The following CADPS2 variants were observed in gnomAD, a reference collection of about 807,000 sequenced individuals.
CADPS2 encodes calcium-dependent secretion activator 2.
In CADPS2, 93 loss-of-function variants were observed where a neutral mutation model predicts 172.5. That is an observed-to-expected ratio of 0.54 (90% CI 0.46 to 0.64). The LOEUF is 0.64. Ranked by LOEUF, CADPS2 falls within the 30% of genes least tolerant of loss-of-function variation. The pLI is 0.00. For synonymous variants in CADPS2, 546 were observed against 555.2 expected, an observed-to-expected ratio of 0.98 and a Z score of 0.23; for missense variants, 1,420 against 1,565.9, an observed-to-expected ratio of 0.91 and a Z score of 1.57.
At chr7:122,705,535 ATAT>A (rs1302602951) in intron 2 of CADPS2, among the ~76,000 whole-genome samples, 2 of 120,224 alleles carry the variant, frequency 1.7e-5, no homozygotes, top group East Asian at 2.2e-4. Flanking sequence ...TGTATTATCT[ATAT>A]TATATATTAT....
In CADPS2 at chr7:122,873,572, G is replaced by C. The variant is rs150251777; in HGVS notation, c.339+12427C>G. 9.1e-3 allele frequency among the ~76,000 whole-genome samples: 1,383 copies of C among 152,282 alleles called. 8 individuals are homozygous for C. Among genetic ancestry groups the C allele is most frequent in the Non-Finnish European group, 0.014 (979 of 68,022 alleles). On this transcript the variant is annotated intron_variant, in intron 1 of 29. Coordinates refer to ENST00000449022, the MANE Select transcript of CADPS2 (RefSeq NM_017954.11). Reference sequence around the variant, plus strand: ...CATTTTCTTTATCCAGTCTATGATTGATGGGCATTTTTGGTGGTTCCAAGT... The same window carrying C: ...CATTTTCTTTATCCAGTCTATGATTCATGGGCATTTTTGGTGGTTCCAAGT...
intron 14 of CADPS2, among the ~76,000 whole-genome samples, chr7:122,461,336 G>A (rs943704426): frequency 5.3e-5 from 8 of 152,038 alleles, no homozygotes; most frequent in Non-Finnish European, 1.2e-4. Flanking sequence ...CAGAACTGAT[G>A]ACAAATATAA....
chr7:122,734,388 A>AAAAAAAAAAAAAAAAAAAAAAAG (rs2091976264), intron 2 of CADPS2, among the ~76,000 whole-genome samples: 24 of 57,524 alleles, frequency 4.2e-4, no homozygotes, highest in Non-Finnish European at 7.3e-4. Flanking sequence ...AAAAAAAAAG[A>AAAAAAAAAAAAAAAAAAAAAAAG]AAAAAAAAAA....
intron 2 of CADPS2, among the ~76,000 whole-genome samples, chr7:122,679,265 T>TGGGCGG (rs1554715349): frequency 2.5e-5 from 1 of 39,240 alleles, no homozygotes; most frequent in Admixed American, 3.4e-4. Context: ...AATGCATTCC[T>TGGGCGG]GGGGGGGGGG....
intron 25 of CADPS2, among the ~76,000 whole-genome samples, chr7:122,369,285 C>T (rs2041447577): frequency 6.6e-6 from 1 of 151,964 alleles, no homozygotes; most frequent in Admixed American, 6.6e-5. Context: ...TGCCCGCCAC[C>T]ATGCCCGGCT....
chr7:122,555,100 A>G (rs2064865863), intron 7 of CADPS2, among the ~76,000 whole-genome samples: 1 of 152,160 alleles, frequency 6.6e-6, no homozygotes, highest in Non-Finnish European at 1.5e-5. Context: ...TATTTGAAAC[A>G]GCACAAATAT....
At chr7:122,428,401 T>G (rs2151869857) in intron 17 of CADPS2, among the ~76,000 whole-genome samples, 1 of 151,658 alleles carries the variant, frequency 6.6e-6, no homozygotes. Flanking sequence ...ATTACTTTGA[T>G]TAAACCTCTG....
At chr7:122,634,734 T>C (rs1263603478) in intron 3 of CADPS2, among the ~76,000 whole-genome samples, 3 of 152,166 alleles carry the variant, frequency 2.0e-5, no homozygotes, top group Admixed American at 6.6e-5. Context: ...TTCCTCTAGG[T>C]ATATTGTTAG....
At chr7:122,399,665 T>C (rs1341841251) in intron 20 of CADPS2, among the ~76,000 whole-genome samples, 2 of 26,112 alleles carry the variant, frequency 7.7e-5, no homozygotes, top group African/African-American at 4.4e-4. Flanking sequence ...GGTTTCTTTT[T>C]TTTTTTTTTT....
chr7:122,682,930 A>AAT (rs1212493368), intron 2 of CADPS2, among the ~76,000 whole-genome samples: 2 of 152,120 alleles, frequency 1.3e-5, no homozygotes, highest in East Asian at 3.9e-4. Context: ...GAGAACATGC[A>AAT]AGCAAGCAAT....
chr7:122,354,916 C>G (rs1174234808), intron 27 of CADPS2, among the ~76,000 whole-genome samples: 2 of 152,150 alleles, frequency 1.3e-5, no homozygotes, highest in African/African-American at 4.8e-5. Context: ...CTGAAGGACA[C>G]AGTTCATCAT....
At position 122,770,023 on chromosome 7, in the gene CADPS2, C is replaced by T. The variant is rs73437752; in HGVS notation, c.340-32955G>A. On this transcript the variant is annotated intron_variant, in intron 1 of 29. Transcript: ENST00000449022. ...ACAACCACCCATAAGATAGGAAGTACTAGCTCTGTTTTACAAATAGGGAGC... is the reference window on the plus strand; with the variant it reads ...ACAACCACCCATAAGATAGGAAGTATTAGCTCTGTTTTACAAATAGGGAGC... Among the ~76,000 whole-genome samples the T allele has an allele frequency of 6.1e-3, 930 of 152,288 alleles. 12 individuals carry two copies. Among genetic ancestry groups the T allele is most frequent in the African/African-American group, 0.02 (839 of 41,560 alleles).
rs768328622 is a variant in CADPS2, at chr7:122,388,611, T to C, written c.3136A>G (p.Ser1046Gly). ...HLEQRLKLMA[S>G]DMLEACVKRT... is the part of the protein sequence containing the mutation. ...TTGACACAGGCCTCTAGCATATCAC[T>C]GGCCATTAGTTTAAGTCTTTGCTCT... The change falls in exon 23 of 30, where the codon AGT becomes GGT. Residue 1046 changes from serine to glycine, a missense_variant. Physicochemically the swap from Ser to Gly is moderately conservative, Grantham distance 56 (BLOSUM62 0). Transcript: ENST00000449022. The C allele has an allele frequency of 1.0e-5, 16 of 1,605,794 alleles. No individual in the cohort carries two copies. The highest frequency in any genetic ancestry group is 3.3e-4 in the Middle Eastern group (2 of 6,046).
chr7:122,345,374 C>T (rs1323559878), intron 28 of CADPS2, among the ~76,000 whole-genome samples, 200 bp downstream of exon 28: 1 of 152,106 alleles, frequency 6.6e-6, no homozygotes, highest in Non-Finnish European at 1.5e-5. Context: ...CTGACCTCAA[C>T]TGATCCACCG....
chr7:122,542,778 G>A (rs1355606213), intron 8 of CADPS2, among the ~76,000 whole-genome samples: 5 of 151,500 alleles, frequency 3.3e-5, no homozygotes, highest in Non-Finnish European at 7.4e-5. Flanking sequence ...TGATCACTCC[G>A]GTTTTATCAT....
At chr7:122,547,196 A>G (rs1041225364) in intron 8 of CADPS2, among the ~76,000 whole-genome samples, 10 of 152,102 alleles carry the variant, frequency 6.6e-5, no homozygotes, top group Admixed American at 1.3e-4. Flanking sequence ...ACTTCTTCCT[A>G]CAGTTCAACC....
chr7:122,624,284 T>C (rs2075872945), intron 4 of CADPS2, among the ~76,000 whole-genome samples: 1 of 152,212 alleles, frequency 6.6e-6, no homozygotes, highest in East Asian at 1.9e-4. Flanking sequence ...CTCTTACAAG[T>C]CATGTGTTCT....
At chr7:122,598,392 T>A (rs747747328) in intron 6 of CADPS2, among the ~76,000 whole-genome samples, 2 of 152,040 alleles carry the variant, frequency 1.3e-5, no homozygotes, top group African/African-American at 2.4e-5. Context: ...AAACCCCAAG[T>A]GACATATAAA....
At chr7:122,443,416 G>A (rs2051639148) in intron 15 of CADPS2, among the ~76,000 whole-genome samples, 1 of 152,076 alleles carries the variant, frequency 6.6e-6, no homozygotes, top group East Asian at 1.9e-4. Context: ...TAACAGCAAA[G>A]CAAAGTGGAA....
Sources: allele counts gnomAD v4.1 joint callset (sites outside exome capture counted in the v4.1 genomes callset), GRCh38; gene constraint gnomAD v4.1.1; transcripts MANE v1.5; gene names NCBI Gene and HGNC (gene_info 2026-07-23, HGNC 2026-07-21).